The following SLFN12L variants were observed in gnomAD, a reference collection of about 807,000 sequenced individuals.
SLFN12L encodes the protein schlafen family member 12-like.
Under a neutral mutation model 34.8 loss-of-function variants are expected in SLFN12L, and 34 were observed. The observed-to-expected ratio is 0.98, with a 90% confidence interval of 0.74 to 1.30. The LOEUF (loss-of-function observed/expected upper bound fraction) is 1.30, where lower values mean the gene tolerates loss of function less well. SLFN12L is among the 50% of genes most tolerant of loss of function. SLFN12L has a pLI of 0.00. For missense variants in SLFN12L, 703 were observed against 696.2 expected (o/e 1.01, Z -0.11); for synonymous variants, 259 against 247.5 (o/e 1.05, Z -0.44).
chr17:35,519,283 CTA>C (rs1915930778), intron 2 of SLFN12L, among the ~76,000 whole-genome samples: 1 of 152,134 alleles, frequency 6.6e-6, no homozygotes, highest in African/African-American at 2.4e-5. Context: ...GTGCAGCAAA[CTA>C]CCATGGCACA....
At chr17:35,485,135 G>A (rs186849291) in intron 2 of SLFN12L, among the ~76,000 whole-genome samples, 2 of 152,014 alleles carry the variant, frequency 1.3e-5, no homozygotes, top group East Asian at 1.9e-4. Flanking sequence ...CTAGCTAAAG[G>A]TTTGTCAATC....
intron 2 of SLFN12L, chr17:35,514,646 CT>C: frequency 3.7e-6 from 1 of 269,210 alleles, no homozygotes; most frequent in Non-Finnish European, 7.4e-6. Context: ...TAAACATTAA[CT>C]TTGGTAGATT....
intron 1 of SLFN12L, among the ~76,000 whole-genome samples, chr17:35,535,141 G>T (rs2072446150): frequency 6.6e-6 from 1 of 151,166 alleles, no homozygotes; most frequent in African/African-American, 2.4e-5. Flanking sequence ...AGGAGTATTT[G>T]ATTCCAAATG....
chr17:35,474,638 C>G lies in SLFN12L; in HGVS notation c.*285G>C, dbSNP rs192176014. 34 of 291,826 alleles carry G rather than the reference C, an allele frequency of 1.2e-4. No individual in the cohort carries two copies. In the East Asian group the frequency reaches 1.9e-3, roughly 17 times the overall value. 18.1% of individuals were successfully genotyped at this position (291,826 alleles called of 1,614,324 possible). A position where few individuals can be genotyped will look rare whatever the true frequency, so the allele number is the denominator to read the frequency against. On this transcript the variant is annotated 3_prime_UTR_variant, in exon 5 of 5. Transcript: ENST00000628453. ...ATTGGTCTATAAAAGAATTGATTCT[C>G]CAGCCGGGCGCGGTGGCTCACATCT...
intron 2 of SLFN12L, among the ~76,000 whole-genome samples, chr17:35,486,616 G>A (rs919336797): frequency 3.3e-5 from 5 of 152,086 alleles, no homozygotes; most frequent in African/African-American, 1.2e-4. Context: ...AAATAAAAAC[G>A]AGCTGAGGAC....
intron 2 of SLFN12L, chr17:35,498,588 G>T: frequency 6.3e-7 from 1 of 1,585,116 alleles, no homozygotes; most frequent in Non-Finnish European, 8.7e-7. Context: ...CCGCTTCCAT[G>T]GAATGTTTCT....
chr17:35,499,299 G>A (rs1475989699), intron 2 of SLFN12L: 2 of 681,962 alleles, frequency 2.9e-6, no homozygotes, highest in Non-Finnish European at 4.3e-6. Flanking sequence ...GCTAAAGCCA[G>A]ACTAATGCCA....
intron 1 of SLFN12L, among the ~76,000 whole-genome samples, chr17:35,523,993 T>G (rs2072307840): frequency 6.6e-6 from 1 of 152,238 alleles, no homozygotes; most frequent in Non-Finnish European, 1.5e-5. Flanking sequence ...AGAATGTTTT[T>G]GCCCTATTGT....
At position 35,522,804 on chromosome 17, in the gene SLFN12L, G is replaced by C; in HGVS notation, c.-440C>G. On this transcript the variant is annotated 5_prime_UTR_variant, in exon 2 of 5. Transcript: ENST00000628453. ...CAGCAGAGCATCACAGATGACTCCT[G>C]GCTTCTCCTGCAAATTCAGGTCCAC... 4 of 1,493,796 alleles carry C rather than the reference G, an allele frequency of 2.7e-6. No individual in the cohort carries two copies. The highest frequency in any genetic ancestry group is 2.3e-5 in the South Asian group (2 of 86,384). The allele number at this position is 1,493,796 out of a possible 1,614,324, so 92.5% of individuals were successfully genotyped here.
At chr17:35,509,101 G>T (rs1915556919) in intron 2 of SLFN12L, among the ~76,000 whole-genome samples, 1 of 152,184 alleles carries the variant, frequency 6.6e-6, no homozygotes. Context: ...GCTAAGACAG[G>T]AAGTGATGTG....
In SLFN12L at chr17:35,474,913, A is replaced by G; in HGVS notation, c.*10T>C. ...GTCACTACACTCCAGTCTGGGTGAC[A>G]GAGTGAGACTCATCTCAAGAAAAAA... On this transcript the variant is annotated 3_prime_UTR_variant, in exon 5 of 5. Transcript: ENST00000628453. 3 of 1,531,880 alleles carry G rather than the reference A, an allele frequency of 2.0e-6. No homozygotes were observed. The highest frequency in any genetic ancestry group is 2.6e-6 in the Non-Finnish European group (3 of 1,140,008). The allele number at this position is 1,531,880 out of a possible 1,614,324, so 94.9% of individuals were successfully genotyped here.
chr17:35,502,819 G>A (rs757973545), intron 2 of SLFN12L, among the ~76,000 whole-genome samples: 28 of 152,182 alleles, frequency 1.8e-4, no homozygotes, highest in Middle Eastern at 3.4e-3. Context: ...GGAAAAGAAC[G>A]GTTATCTTCA....
At chr17:35,498,748 A>G (rs1328477198) in intron 2 of SLFN12L, 9 of 1,267,934 alleles carry the variant, frequency 7.1e-6, no homozygotes, top group Middle Eastern at 2.0e-4. Context: ...CTTATCCACT[A>G]CCTCCAAAGT....
In SLFN12L at chr17:35,499,778, C is replaced by T. The variant is rs1915225580; in HGVS notation, c.87-19583G>A. ...GTAACACAGGAAGTAGAGTTGCTAG[C>T]TCTCCCCTGTCAGTCAGTGTTCAAC... On this transcript the variant is annotated intron_variant, in intron 2 of 4. Coordinates refer to ENST00000628453, the MANE Select transcript of SLFN12L (RefSeq NM_001363830.2). 3 of 231,422 alleles carry T rather than the reference C, an allele frequency of 1.3e-5. No homozygotes were observed. In the South Asian group the frequency reaches 5.2e-4, roughly 40 times the overall value. The allele number at this position is 231,422 out of a possible 1,614,324, so 14.3% of individuals were successfully genotyped here. A position where few individuals can be genotyped will look rare whatever the true frequency, so the allele number is the denominator to read the frequency against.
intron 2 of SLFN12L, among the ~76,000 whole-genome samples, chr17:35,488,052 CA>C (rs899376289): frequency 6.6e-6 from 1 of 152,044 alleles, no homozygotes; most frequent in Admixed American, 6.6e-5. Flanking sequence ...ACTAAAAATA[CA>C]AAAAAATTAG....
intron 2 of SLFN12L, among the ~76,000 whole-genome samples, chr17:35,510,799 CTGT>C (rs1020565278): frequency 9.4e-5 from 14 of 149,506 alleles, no homozygotes; most frequent in Admixed American, 7.3e-4. Context: ...AAAATTTTCT[CTGT>C]TAATTATGCC....
chr17:35,515,060 C>A, intron 2 of SLFN12L: 1 of 598,740 alleles, frequency 1.7e-6, no homozygotes, highest in South Asian at 1.4e-5. Flanking sequence ...GCTTCTGTTT[C>A]TTTCTTTATT....
chr17:35,532,960 T>C (rs979536075), intron 1 of SLFN12L, among the ~76,000 whole-genome samples: 8 of 152,180 alleles, frequency 5.3e-5, no homozygotes, highest in African/African-American at 1.7e-4. Flanking sequence ...AAATATATAT[T>C]GTTTGACACA....
chr17:35,480,011 A>G lies in SLFN12L; in HGVS notation c.271T>C (p.Cys91Arg). The G allele has an allele frequency of 4.3e-6, 7 of 1,614,168 alleles. No homozygotes were observed. Among genetic ancestry groups the G allele is most frequent in the Non-Finnish European group, 5.9e-6 (7 of 1,180,030 alleles). ...CCCCCTCCAGAATTCAGCAGAGCAC[A>G]CACAGCTCGTGAGACATTTTCATTC... ...QQNENVSRAVCALLNSGGGVI... is the reference protein window; with the variant it reads ...QQNENVSRAVRALLNSGGGVI... Residue 91 changes from cysteine (C) to arginine (R), a missense_variant, in exon 3 of 5, where the codon TGT (cysteine) becomes CGT (arginine). Transcript: ENST00000628453.
Sources: allele counts gnomAD v4.1 joint callset (sites outside exome capture counted in the v4.1 genomes callset), GRCh38; gene constraint gnomAD v4.1.1; transcripts MANE v1.5; gene names NCBI Gene and HGNC (gene_info 2026-07-23, HGNC 2026-07-21).